The following DNAH14 variants were observed in gnomAD, a reference collection of about 807,000 sequenced individuals.
The protein encoded by DNAH14 is dynein axonemal heavy chain 14, also known as axonemal beta dynein heavy chain 14.
Under a neutral mutation model 520.9 loss-of-function variants are expected in DNAH14, and 478 were observed. The ratio of observed to expected loss-of-function variants is 0.92; its 90% confidence interval spans 0.85 to 0.99. The LOEUF (loss-of-function observed/expected upper bound fraction) is 0.99, where lower values mean the gene tolerates loss of function less well. Ranked by LOEUF, DNAH14 falls within the 50% of genes least tolerant of loss-of-function variation. The probability of loss-of-function intolerance (pLI) is 0.00; values close to 1 mark genes in which losing one functional copy is unlikely to be tolerated. For missense variants in DNAH14, 4,831 were observed against 5,234.5 expected (o/e 0.92, Z 2.38); for synonymous variants, 1,581 against 1,757.2 (o/e 0.90, Z 2.51).
chr1:224,987,458 G>A (rs76270894), intron 8 of DNAH14, among the ~76,000 whole-genome samples: 1,670 of 152,234 alleles, frequency 0.011, 17 homozygotes, highest in Non-Finnish European at 0.016. Flanking sequence ...CATTTATGGA[G>A]AAAAAGAAGC....
rs143800308 is a variant in DNAH14, at chr1:225,194,693, G to A, written c.5886+1782G>A. ...ATTGGGACCTAATTAAAGAGCTGCT[G>A]CACAGAAAAAAAGGCTATCAACAGA... On this transcript the variant is annotated intron_variant, in intron 38 of 85. Coordinates refer to ENST00000682510, the MANE Select transcript of DNAH14 (RefSeq NM_001367479.1). Among the ~76,000 whole-genome samples the A allele has an allele frequency of 7.0e-3, 1,072 of 152,082 alleles. 3 individuals carry two copies. Among genetic ancestry groups the A allele is most frequent in the Non-Finnish European group, 0.011 (727 of 67,970 alleles).
intron 76 of DNAH14, among the ~76,000 whole-genome samples, chr1:225,367,603 C>T (rs573505921): frequency 6.6e-6 from 1 of 152,302 alleles, no homozygotes; most frequent in African/African-American, 2.4e-5. Flanking sequence ...TGAATCGGAA[C>T]AATAGAAAAT....
chr1:225,338,352 AAG>A, intron 68 of DNAH14, 170 bp downstream of exon 68: 1 of 832,186 alleles, frequency 1.2e-6, no homozygotes. Flanking sequence ...CAGTATACAG[AAG>A]AGATAACCGA....
chr1:225,219,904 C>T (rs2089869546), intron 41 of DNAH14, among the ~76,000 whole-genome samples: 1 of 152,074 alleles, frequency 6.6e-6, no homozygotes, highest in Non-Finnish European at 1.5e-5. Context: ...TGTGAAAATC[C>T]TCAATAAAAT....
At chr1:225,117,253 C>A (rs1267597985) in intron 23 of DNAH14, among the ~76,000 whole-genome samples, 1 of 151,826 alleles carries the variant, frequency 6.6e-6, no homozygotes, top group Non-Finnish European at 1.5e-5. Context: ...GTAACTTAGT[C>A]TATAAAGTGA....
chr1:225,390,278 A>G (rs2095890982), intron 83 of DNAH14, among the ~76,000 whole-genome samples: 1 of 152,198 alleles, frequency 6.6e-6, no homozygotes, highest in African/African-American at 2.4e-5. Context: ...ACAAGACTTG[A>G]TGACTGAATG....
chr1:225,009,418 TGTGTG>T (rs2064493318), intron 10 of DNAH14, among the ~76,000 whole-genome samples: 1 of 152,136 alleles, frequency 6.6e-6, no homozygotes. Context: ...TGGTTGTAGA[TGTGTG>T]ATGTTACTTC....
At position 225,051,673 on chromosome 1, in the gene DNAH14, A is replaced by G; in HGVS notation, c.2302A>G (p.Ile768Val). ...VNMAIEKRIG[I>V]FNVVSLDYQS... ...TATGGCCATTGAGAAGCGTATTGGT[A>G]TTTTCAACGTTGTAAGTCTTGATTA... Residue 768 changes from isoleucine to valine, a missense_variant, in exon 17 of 86, where the codon ATT becomes GTT. Physicochemically the swap from Ile to Val is conservative, Grantham distance 29. Coordinates refer to ENST00000682510, the MANE Select transcript of DNAH14 (RefSeq NM_001367479.1). 6.4e-7 allele frequency: 1 copy of G among 1,551,248 alleles called. No individual in the cohort carries two copies. The highest frequency in any genetic ancestry group is 1.2e-5 in the South Asian group (1 of 84,034).
At chr1:225,054,746 T>C (rs1395342407) in intron 17 of DNAH14, among the ~76,000 whole-genome samples, 3 of 152,156 alleles carry the variant, frequency 2.0e-5, no homozygotes, top group Non-Finnish European at 4.4e-5. Flanking sequence ...ATCTTTAAAG[T>C]ACTTTTAATT....
intron 41 of DNAH14, among the ~76,000 whole-genome samples, chr1:225,226,901 A>G (rs1341996826): frequency 6.6e-6 from 1 of 152,068 alleles, no homozygotes; most frequent in African/African-American, 2.4e-5. Context: ...AGTTTAAGGA[A>G]AGGTGCTGTG....
At chr1:224,972,192 A>G (rs901862428) in intron 7 of DNAH14, among the ~76,000 whole-genome samples, 2 of 152,156 alleles carry the variant, frequency 1.3e-5, no homozygotes, top group Non-Finnish European at 2.9e-5. Context: ...TCTTTATTCA[A>G]GTTAAAAATA....
chr1:224,989,029 G>A (rs1219390339), intron 8 of DNAH14, among the ~76,000 whole-genome samples: 2 of 152,136 alleles, frequency 1.3e-5, no homozygotes, highest in African/African-American at 4.8e-5. Flanking sequence ...GAGCCCTAAT[G>A]ACCTAATCAC....
chr1:225,321,011 T>C (rs901214937), intron 61 of DNAH14, among the ~76,000 whole-genome samples: 8 of 152,218 alleles, frequency 5.3e-5, no homozygotes, highest in Non-Finnish European at 1.2e-4. Context: ...GGTTCCTTAC[T>C]GGAGCTCTCA....
intron 81 of DNAH14, among the ~76,000 whole-genome samples, chr1:225,383,209 G>A (rs1164643148): frequency 6.6e-6 from 1 of 152,170 alleles, no homozygotes; most frequent in Non-Finnish European, 1.5e-5. Context: ...ATATCTCAAT[G>A]AAGTTATTTT....
At chr1:225,094,656 C>CAAATAAAAAAA (rs2074726917) in intron 21 of DNAH14, among the ~76,000 whole-genome samples, 1 of 77,822 alleles carries the variant, frequency 1.3e-5, no homozygotes, top group African/African-American at 3.2e-5. Context: ...TTCTGCACAG[C>CAAATAAAAAAA]AAAAAAAAAA....
At chr1:225,118,975 T>A (rs1408838958) in intron 25 of DNAH14, among the ~76,000 whole-genome samples, 1 of 152,048 alleles carries the variant, frequency 6.6e-6, no homozygotes, top group Non-Finnish European at 1.5e-5. Context: ...TAAATACCAT[T>A]TTACATGAAA....
At chr1:225,160,246 G>A (rs2081389341) in intron 35 of DNAH14, among the ~76,000 whole-genome samples, 1 of 151,900 alleles carries the variant, frequency 6.6e-6, no homozygotes, top group Admixed American at 6.6e-5. Context: ...ACTTTTCCAG[G>A]ATTTTATCAG....
chr1:225,217,609 C>T (rs2089546574), intron 41 of DNAH14, among the ~76,000 whole-genome samples: 1 of 152,146 alleles, frequency 6.6e-6, no homozygotes, highest in Admixed American at 6.5e-5. Flanking sequence ...TGGTGGACGC[C>T]CCTCCCCCAG....
chr1:225,203,623 A>T (rs917576217), intron 38 of DNAH14, among the ~76,000 whole-genome samples: 6 of 152,234 alleles, frequency 3.9e-5, no homozygotes, highest in Non-Finnish European at 7.3e-5. Context: ...ATATACATAC[A>T]TCAGAATTTC....
Sources: allele counts gnomAD v4.1 joint callset (sites outside exome capture counted in the v4.1 genomes callset), GRCh38; gene constraint gnomAD v4.1.1; transcripts MANE v1.5; gene names NCBI Gene and HGNC (gene_info 2026-07-23, HGNC 2026-07-21).